ITPR2: variants seen among roughly 807,000 people sequenced by gnomAD.
ITPR2 encodes inositol 1,4,5-trisphosphate receptor type 2.
In ITPR2, 207 loss-of-function variants were observed where a neutral mutation model predicts 317.1. The ratio of observed to expected loss-of-function variants is 0.65; its 90% confidence interval spans 0.58 to 0.73. The LOEUF (loss-of-function observed/expected upper bound fraction) is 0.73. ITPR2 is among the 30% of genes least tolerant of loss of function. The pLI is 0.00. For synonymous variants in ITPR2, 1,156 were observed against 1,149.1 expected, an observed-to-expected ratio of 1.01 and a Z score of -0.12; for missense variants, 2,613 against 3,284.0, an observed-to-expected ratio of 0.80 and a Z score of 4.99.
chr12:26,487,867 C>T (rs1430457169), intron 39 of ITPR2, among the ~76,000 whole-genome samples: 7 of 152,182 alleles, frequency 4.6e-5, no homozygotes, highest in Non-Finnish European at 7.3e-5. Context: ...CAGGTACCAA[C>T]TTCTTTTGGT....
intron 34 of ITPR2, among the ~76,000 whole-genome samples, chr12:26,566,216 AGAG>A (rs1308014201): frequency 8.9e-6 from 1 of 111,962 alleles, no homozygotes; most frequent in African/African-American, 3.5e-5. Flanking sequence ...GGAGGAGAGG[AGAG>A]GAGAAGAAGG....
intron 10 of ITPR2, among the ~76,000 whole-genome samples, chr12:26,694,632 A>G (rs562032188): frequency 1.3e-5 from 2 of 152,310 alleles, no homozygotes; most frequent in African/African-American, 4.8e-5. Context: ...GAACCAAAGA[A>G]GCCATGATTC....
intron 15 of ITPR2, among the ~76,000 whole-genome samples, chr12:26,659,487 C>T (rs934211450): frequency 6.6e-6 from 1 of 152,108 alleles, no homozygotes; most frequent in Non-Finnish European, 1.5e-5. Context: ...CGTTTTTGAA[C>T]TTCTACTAAA....
intron 35 of ITPR2, among the ~76,000 whole-genome samples, chr12:26,556,845 A>G (rs1367046496): frequency 2.6e-5 from 4 of 151,480 alleles, no homozygotes; most frequent in East Asian, 3.9e-4. Context: ...TTGGGAGGCC[A>G]AGGCAGGTGG....
intron 34 of ITPR2, among the ~76,000 whole-genome samples, chr12:26,575,955 C>T (rs935847595): frequency 6.6e-6 from 1 of 152,088 alleles, no homozygotes; most frequent in South Asian, 2.1e-4. Context: ...ATTTCCCTGC[C>T]TTGCGTTTGC....
At chr12:26,607,940 C>T (rs1359319497) in intron 26 of ITPR2, among the ~76,000 whole-genome samples, 4 of 151,810 alleles carry the variant, frequency 2.6e-5, no homozygotes, top group Admixed American at 2.0e-4. Context: ...AAAAATTAGC[C>T]GGGCGTTTCT....
At chr12:26,409,798 G>T (rs553402697) in intron 52 of ITPR2, among the ~76,000 whole-genome samples, 2 of 152,088 alleles carry the variant, frequency 1.3e-5, no homozygotes, top group Non-Finnish European at 2.9e-5. Flanking sequence ...CATTAGAACT[G>T]GAAGGGACCT....
intron 45 of ITPR2, among the ~76,000 whole-genome samples, chr12:26,459,256 G>A (rs1941958715): frequency 1.3e-5 from 2 of 152,244 alleles, no homozygotes; most frequent in Admixed American, 6.5e-5. Flanking sequence ...AATCTGTGCT[G>A]TAATGCCACC....
intron 1 of ITPR2, among the ~76,000 whole-genome samples, chr12:26,829,485 C>T (rs185607456): frequency 6.6e-6 from 1 of 152,176 alleles, no homozygotes; most frequent in East Asian, 1.9e-4. Flanking sequence ...GGACCACAGG[C>T]GTGCACCACC....
intron 52 of ITPR2, among the ~76,000 whole-genome samples, chr12:26,403,491 G>A (rs148160663): frequency 3.2e-3 from 493 of 152,258 alleles, no homozygotes; most frequent in African/African-American, 5.7e-3. Flanking sequence ...GGTGATACAC[G>A]TGTGTAGGCC....
intron 37 of ITPR2, among the ~76,000 whole-genome samples, chr12:26,515,875 T>C (rs1422411007): frequency 6.6e-6 from 1 of 151,476 alleles, no homozygotes; most frequent in African/African-American, 2.4e-5. Context: ...TTTGGGAGGC[T>C]GAGGCAGGCA....
At position 26,628,152 on chromosome 12, in the gene ITPR2, C is replaced by T. The variant is rs1946666582; in HGVS notation, c.2945G>A (p.Ser982Asn). The change falls in exon 23 of 57, where the codon AGT becomes AAT. Residue 982 changes from serine to asparagine, a missense_variant. Physicochemically the swap from Ser to Asn is conservative, Grantham distance 46. Coordinates refer to ENST00000381340, the MANE Select transcript of ITPR2 (RefSeq NM_002223.4). ...KIIEILQFIL[S>N]VRLDYRISYM... ...TGAGATCCTATAATCCAGTCTGACA[C>T]TCAGGATAAACTATAAGAAACATTA... 6.3e-7 allele frequency: 1 copy of T among 1,597,012 alleles called. No homozygotes were observed. Among genetic ancestry groups the T allele is most frequent in the Non-Finnish European group, 8.5e-7 (1 of 1,170,852 alleles).
At chr12:26,597,493 A>G (rs1945876819) in intron 30 of ITPR2, among the ~76,000 whole-genome samples, 1 of 152,168 alleles carries the variant, frequency 6.6e-6, no homozygotes, top group Non-Finnish European at 1.5e-5. Context: ...AAGAAATCTC[A>G]TAATTTTACT....
chr12:26,722,983 G>A (rs987945838), intron 4 of ITPR2, among the ~76,000 whole-genome samples: 2 of 152,070 alleles, frequency 1.3e-5, no homozygotes, highest in Non-Finnish European at 2.9e-5. Flanking sequence ...TTATTAACCA[G>A]CCCTGCCCAC....
chr12:26,620,912 T>C (rs745489858), intron 26 of ITPR2, among the ~76,000 whole-genome samples: 2 of 152,288 alleles, frequency 1.3e-5, no homozygotes, highest in East Asian at 1.9e-4. Context: ...AAACACTAGA[T>C]AGATGAGGTA....
At chr12:26,629,917 T>C (rs1341425809) in intron 22 of ITPR2, among the ~76,000 whole-genome samples, 1 of 152,164 alleles carries the variant, frequency 6.6e-6, no homozygotes, top group Admixed American at 6.5e-5. Flanking sequence ...AGGATCTCAA[T>C]CCTGCCTTTG....
At chr12:26,716,065 A>G (rs1269328477) in intron 6 of ITPR2, 79 bp downstream of exon 6, 3 of 945,636 alleles carry the variant, frequency 3.2e-6, no homozygotes, top group African/African-American at 3.3e-5. Context: ...GAAAACAATG[A>G]AAGAAACTAT....
chr12:26,486,421 A>AG, intron 40 of ITPR2, 61 bp from the exon 41 acceptor site: 2 of 1,380,336 alleles, frequency 1.4e-6, no homozygotes, highest in African/African-American at 1.5e-5. Context: ...ATTAAAAAAA[A>AG]AAAAACAAAC....
chr12:26,750,047 A>C (rs900417163), intron 2 of ITPR2, among the ~76,000 whole-genome samples: 3 of 152,228 alleles, frequency 2.0e-5, no homozygotes, highest in Admixed American at 6.5e-5. Flanking sequence ...CAGAACAAGA[A>C]GACCTATTTC....
Sources: allele counts gnomAD v4.1 joint callset (sites outside exome capture counted in the v4.1 genomes callset), GRCh38; gene constraint gnomAD v4.1.1; transcripts MANE v1.5; gene names NCBI Gene and HGNC (gene_info 2026-07-23, HGNC 2026-07-21).